The following GRM8 variants were observed in gnomAD, a reference collection of about 807,000 sequenced individuals.
The protein encoded by GRM8 is metabotropic glutamate receptor 8.
In GRM8, 47 loss-of-function variants were observed where a neutral mutation model predicts 87.2. That is an observed-to-expected ratio of 0.54 (90% CI 0.43 to 0.69). GRM8 has a LOEUF of 0.69. GRM8 is among the 30% of genes least tolerant of loss of function. The pLI is 0.00. For synonymous variants in GRM8, 396 were observed against 404.5 expected (o/e 0.98, Z 0.25); for missense variants, 1,019 against 1,139.2 (o/e 0.89, Z 1.52).
intron 7 of GRM8, among the ~76,000 whole-genome samples, chr7:126,620,992 A>G (rs1365727183): frequency 6.6e-6 from 1 of 152,214 alleles, no homozygotes; most frequent in African/African-American, 2.4e-5. Flanking sequence ...AAAGCAGGAA[A>G]AAAATAAGAA....
At chr7:126,841,923 T>C (rs1156523760) in intron 6 of GRM8, among the ~76,000 whole-genome samples, 5 of 152,162 alleles carry the variant, frequency 3.3e-5, no homozygotes, top group Non-Finnish European at 5.9e-5. Flanking sequence ...TGAGCCACCG[T>C]GACCGGCCCC....
intron 3 of GRM8, among the ~76,000 whole-genome samples, chr7:126,906,791 T>C (rs1802717507): frequency 6.6e-6 from 1 of 152,196 alleles, no homozygotes; most frequent in African/African-American, 2.4e-5. Flanking sequence ...CTTAGTAACC[T>C]TACAATTTGC....
intron 3 of GRM8, among the ~76,000 whole-genome samples, chr7:126,948,433 T>C (rs1807782128): frequency 6.8e-6 from 1 of 146,812 alleles, no homozygotes; most frequent in Admixed American, 6.9e-5. Flanking sequence ...TATGCTTCCA[T>C]CTAGGATGCA....
intron 9 of GRM8, among the ~76,000 whole-genome samples, chr7:126,515,191 C>G (rs1661966231): frequency 1.3e-5 from 2 of 151,964 alleles, no homozygotes; most frequent in African/African-American, 4.8e-5. Context: ...TGCAAATTTT[C>G]TTCAAAGTTA....
chr7:127,185,092 C>G (rs542593547), intron 2 of GRM8, among the ~76,000 whole-genome samples: 5 of 152,138 alleles, frequency 3.3e-5, no homozygotes, highest in East Asian at 3.9e-4. Context: ...TCCCAGCAAG[C>G]TATTTTATAA....
At chr7:127,027,980 G>T (rs548030244) in intron 3 of GRM8, among the ~76,000 whole-genome samples, 40 of 152,096 alleles carry the variant, frequency 2.6e-4, no homozygotes, top group Non-Finnish European at 3.7e-4. Flanking sequence ...GTCATAAATA[G>T]CTCTTATTTT....
intron 2 of GRM8, among the ~76,000 whole-genome samples, chr7:127,129,321 A>G (rs1827546461): frequency 6.6e-6 from 1 of 152,200 alleles, no homozygotes; most frequent in Admixed American, 6.5e-5. Flanking sequence ...TTATGAAAAG[A>G]TATTTATTTC....
At chr7:126,439,461 A>G (rs1292344753) in intron 10 of GRM8, among the ~76,000 whole-genome samples, 1 of 152,098 alleles carries the variant, frequency 6.6e-6, no homozygotes, top group Non-Finnish European at 1.5e-5. Context: ...CATAATTCAC[A>G]TGTTTGTGGT....
intron 7 of GRM8, among the ~76,000 whole-genome samples, chr7:126,756,569 A>C (rs542422337): frequency 6.6e-6 from 1 of 152,244 alleles, no homozygotes; most frequent in South Asian, 2.1e-4. Flanking sequence ...CTTAAAACTC[A>C]ATAATAGTAA....
At chr7:127,166,837 T>C (rs996665688) in intron 2 of GRM8, among the ~76,000 whole-genome samples, 2 of 152,150 alleles carry the variant, frequency 1.3e-5, no homozygotes, top group African/African-American at 4.8e-5. Flanking sequence ...ATCTGAATAT[T>C]TGTTCTTAAA....
chr7:127,242,714 T>G lies in GRM8; in HGVS notation c.491A>C (p.Asn164Thr). The change falls in exon 2 of 11, where the codon AAC becomes ACC. Residue 164 changes from asparagine to threonine, a missense_variant. Asn to Thr is a moderately conservative substitution (Grantham distance 65). Transcript: ENST00000339582. Reference protein sequence around the residue: ...AASSVSIMVANILRLFKIPQI... With the variant: ...AASSVSIMVATILRLFKIPQI... ...ACCTACCTTAAAAAGTCTTAAAATG[T>G]TAGCAACCATGATGGACACGGAGCT... The G allele has an allele frequency of 1.2e-6, 2 of 1,613,910 alleles. No individual in the cohort carries two copies. The highest frequency in any genetic ancestry group is 1.7e-6 in the Non-Finnish European group (2 of 1,179,940).
At position 126,471,239 on chromosome 7, in the gene GRM8, A is replaced by G. The variant is rs1272213796; in HGVS notation, c.2431-24867T>C. 5.4e-3 allele frequency among the ~76,000 whole-genome samples: 778 copies of G among 143,680 alleles called. 11 individuals are homozygous for G. Among genetic ancestry groups the G allele is most frequent in the African/African-American group, 0.019 (726 of 39,060 alleles). 94.3% of individuals were successfully genotyped at this position (143,680 alleles called of 152,430 possible). A position where few individuals can be genotyped will look rare whatever the true frequency, so the allele number is the denominator to read the frequency against. The stretch of plus-strand genomic sequence containing the variant: ...TTTGGCTTTGGTTGCCATTGCTTTT[A>G]GTGTTTTAGACATGAAGTCCTTGCC... On this transcript the variant is annotated intron_variant, in intron 9 of 10. Coordinates refer to ENST00000339582, the MANE Select transcript of GRM8 (RefSeq NM_000845.3).
In GRM8 at chr7:126,903,523, T is replaced by C. The variant is rs1456682148; in HGVS notation, c.1018+449A>G. ...ATAATGGAAATAACTGACTATGGTC[T>C]TTTTCTTAAAAAAATATAATGGGTC... On this transcript the variant is annotated intron_variant, in intron 5 of 10. Coordinates refer to ENST00000339582, the MANE Select transcript of GRM8 (RefSeq NM_000845.3). Among the ~76,000 whole-genome samples, 7 of 150,554 alleles carry C rather than the reference T, an allele frequency of 4.6e-5. No homozygotes were observed. The East Asian group carries it at 1.4e-3, about 29-fold the overall frequency.
intron 8 of GRM8, among the ~76,000 whole-genome samples, chr7:126,593,558 T>C (rs1490009092): frequency 6.6e-6 from 1 of 151,986 alleles, no homozygotes; most frequent in Admixed American, 6.6e-5. Context: ...TGCAGAAGAA[T>C]AAATTTAGGT....
At chr7:126,976,334 G>A (rs1415390376) in intron 3 of GRM8, among the ~76,000 whole-genome samples, 3 of 152,148 alleles carry the variant, frequency 2.0e-5, no homozygotes, top group Non-Finnish European at 4.4e-5. Context: ...AGTGGCTCAC[G>A]CCTATAATCC....
At chr7:126,672,122 C>T (rs1585459511) in intron 7 of GRM8, among the ~76,000 whole-genome samples, 2 of 152,308 alleles carry the variant, frequency 1.3e-5, no homozygotes, top group Middle Eastern at 6.8e-3. Flanking sequence ...TGTTAATATC[C>T]ATAGCATAAA....
intron 3 of GRM8, among the ~76,000 whole-genome samples, chr7:126,973,768 T>C (rs1450025259): frequency 6.6e-6 from 1 of 152,134 alleles, no homozygotes; most frequent in Non-Finnish European, 1.5e-5. Context: ...AAGGCAGAAA[T>C]TAACCCATGA....
chr7:126,646,262 A>AGAAGGAAGGAAGGAAAGAAG (rs1554436792), intron 7 of GRM8, among the ~76,000 whole-genome samples: 5 of 137,842 alleles, frequency 3.6e-5, no homozygotes, highest in Non-Finnish European at 7.8e-5. Context: ...AAGGAGGGAA[A>AGAAGGAAGGAAGGAAAGAAG]GAAGGAAGGA....
chr7:126,765,825 A>G (rs568630094), intron 7 of GRM8, among the ~76,000 whole-genome samples: 2 of 152,230 alleles, frequency 1.3e-5, no homozygotes, highest in Admixed American at 1.3e-4. Context: ...TGTAAGGAAA[A>G]CATGAGTAAT....
Sources: allele counts gnomAD v4.1 joint callset (sites outside exome capture counted in the v4.1 genomes callset), GRCh38; gene constraint gnomAD v4.1.1; transcripts MANE v1.5; gene names NCBI Gene and HGNC (gene_info 2026-07-23, HGNC 2026-07-21).